The following MTG1 variants were observed in gnomAD, a reference collection of about 807,000 sequenced individuals.
MTG1 encodes the protein mitochondrial ribosome-associated GTPase 1.
Under a neutral mutation model 39.5 loss-of-function variants are expected in MTG1, and 30 were observed. The ratio of observed to expected loss-of-function variants is 0.76; its 90% confidence interval spans 0.57 to 1.03. The LOEUF (loss-of-function observed/expected upper bound fraction) is 1.03. Ranked by LOEUF, MTG1 falls within the 50% of genes least tolerant of loss-of-function variation. The pLI is 0.00. For synonymous variants in MTG1, 217 were observed against 179.0 expected (o/e 1.21, Z -1.69); for missense variants, 513 against 447.4 (o/e 1.15, Z -1.32).
At chr10:133,400,576 A>T (rs1212253403) in intron 6 of MTG1, among the ~76,000 whole-genome samples, 1 of 152,244 alleles carries the variant, frequency 6.6e-6, no homozygotes, top group Non-Finnish European at 1.5e-5. Context: ...TATTTTACAG[A>T]GAGGGTGTTT....
chr10:133,409,630 A>G lies in MTG1; in HGVS notation c.752+6857A>G, dbSNP rs140986424. ...CGGAGAGGGGGTGTTGAAGCCCCCT[A>G]CTATTACTGTATTGCACTCTGCCTC... On this transcript the variant is annotated intron_variant, in intron 9 of 10. Coordinates refer to ENST00000317502, the MANE Select transcript of MTG1 (RefSeq NM_138384.4). Among the ~76,000 whole-genome samples the G allele has an allele frequency of 7.6e-3, 1,159 of 152,248 alleles. 10 individuals carry two copies. The highest frequency in any genetic ancestry group is 0.026 in the African/African-American group (1,066 of 41,528).
intron 3 of MTG1, among the ~76,000 whole-genome samples, 158 bp from the exon 4 acceptor site, chr10:133,398,277 G>A (rs1385807796): frequency 6.6e-6 from 1 of 152,202 alleles, no homozygotes; most frequent in Non-Finnish European, 1.5e-5. Flanking sequence ...GCGCATGCCT[G>A]TAATCCCTGC....
intron 6 of MTG1, chr10:133,401,318 T>C (rs146696612): frequency 3.0e-4 from 144 of 478,478 alleles, no homozygotes; most frequent in African/African-American, 2.5e-3. Context: ...GTGAAACAAA[T>C]TATAGCCTTG....
intron 9 of MTG1, among the ~76,000 whole-genome samples, chr10:133,414,986 A>C (rs1158186354): frequency 6.6e-6 from 1 of 152,250 alleles, no homozygotes; most frequent in Non-Finnish European, 1.5e-5. Context: ...CAACACAGCG[A>C]AACCCCATCT....
chr10:133,420,570 A>G lies in MTG1; in HGVS notation c.*405A>G, dbSNP rs1219869428. Reference sequence around the variant, plus strand: ...CCTGTGTGTTAAAGCTGCTCTCACCAGTGAAACCTAAGAAATGAGCAGGTT... The same window carrying G: ...CCTGTGTGTTAAAGCTGCTCTCACCGGTGAAACCTAAGAAATGAGCAGGTT... On this transcript the variant is annotated 3_prime_UTR_variant, in exon 11 of 11. Coordinates refer to ENST00000317502, the MANE Select transcript of MTG1 (RefSeq NM_138384.4). The G allele has an allele frequency of 5.5e-6, 1 of 182,286 alleles. No individual in the cohort carries two copies. The highest frequency in any genetic ancestry group is 6.2e-5 in the Admixed American group (1 of 16,090). The allele number at this position is 182,286 out of a possible 1,614,324, so 11.3% of individuals were successfully genotyped here. A position where few individuals can be genotyped will look rare whatever the true frequency, so the allele number is the denominator to read the frequency against.
chr10:133,402,598 G>A lies in MTG1; in HGVS notation c.671-94G>A. 1.7e-6 allele frequency: 2 copies of A among 1,155,218 alleles called. No individual in the cohort carries two copies. Among genetic ancestry groups the A allele is most frequent in the African/African-American group, 1.5e-5 (1 of 65,354 alleles). The allele number at this position is 1,155,218 out of a possible 1,614,324, so 71.6% of individuals were successfully genotyped here. ...GCTGGCCTCTTCCTCACGGCACGGT[G>A]TCTTTGGGCTAGGACTGGAAGGGAT... On this transcript the variant is annotated intron_variant, in intron 8 of 10. Transcript: ENST00000317502. This position sits in a 1 kb window ranked among gnomAD's most constrained non-coding sequence, Gnocchi z 4.7.
chr10:133,415,473 G>C (rs1274903151), intron 9 of MTG1, among the ~76,000 whole-genome samples: 1 of 152,176 alleles, frequency 6.6e-6, no homozygotes, highest in Non-Finnish European at 1.5e-5. Context: ...TGCTTGAGAG[G>C]GGTTGGTCTC....
At chr10:133,404,833 C>T (rs1313431792) in intron 9 of MTG1, among the ~76,000 whole-genome samples, 3 of 151,986 alleles carry the variant, frequency 2.0e-5, no homozygotes, top group Admixed American at 6.6e-5. Flanking sequence ...GCATCTTTGT[C>T]GCAAATCGGT....
chr10:133,401,660 CTG>C (rs780457471), intron 7 of MTG1, 70 bp downstream of exon 7: 2 of 1,488,390 alleles, frequency 1.3e-6, no homozygotes, highest in East Asian at 2.3e-5. Context: ...CTGCCGACCT[CTG>C]TGTGGCTTCC....
intron 9 of MTG1, among the ~76,000 whole-genome samples, chr10:133,414,419 T>C (rs1272266975): frequency 1.3e-5 from 2 of 152,266 alleles, no homozygotes; most frequent in Admixed American, 6.5e-5. Context: ...CTGTTCTCAA[T>C]GAGCTGTTGG....
intron 3 of MTG1, among the ~76,000 whole-genome samples, chr10:133,397,382 G>T (rs1457595424): frequency 6.6e-6 from 1 of 151,872 alleles, no homozygotes; most frequent in Non-Finnish European, 1.5e-5. Context: ...TATTAGTGCA[G>T]CCAGACATTT....
intron 9 of MTG1, among the ~76,000 whole-genome samples, chr10:133,415,164 GGGAGAGGGAGACCGT>G (rs1428049780): frequency 9.9e-5 from 15 of 151,592 alleles, no homozygotes; most frequent in East Asian, 7.7e-4. Flanking sequence ...TGGAAAGAGA[GGGAGAGGGAGACCGT>G]GGAGAGGGAG....
chr10:133,394,996 T>A (rs1014661000), intron 1 of MTG1, among the ~76,000 whole-genome samples: 5 of 152,178 alleles, frequency 3.3e-5, no homozygotes, highest in Non-Finnish European at 5.9e-5. Context: ...AGCTTTGTTA[T>A]CTTGGTTGTG....
chr10:133,410,337 G>T (rs555016591), intron 9 of MTG1, among the ~76,000 whole-genome samples: 1 of 152,302 alleles, frequency 6.6e-6, no homozygotes, highest in South Asian at 2.1e-4. Flanking sequence ...GATTACAAAT[G>T]TGAGCCACTG....
intron 9 of MTG1, among the ~76,000 whole-genome samples, chr10:133,405,000 G>T (rs949755540): frequency 1.4e-4 from 22 of 152,102 alleles, no homozygotes; most frequent in Non-Finnish European, 2.2e-4. Flanking sequence ...GTCTTTTCCT[G>T]GTTCTTTGTA....
intron 3 of MTG1, among the ~76,000 whole-genome samples, chr10:133,397,779 G>GTTTTTTTTTGTTTTTTTT (rs1554890616): frequency 3.2e-4 from 44 of 139,484 alleles, no homozygotes; most frequent in Middle Eastern, 3.7e-3. Context: ...CGTCCAGCCT[G>GTTTTTTTTTGTTTTTTTT]TTTTTTTTTT....
chr10:133,415,290 T>C (rs1564823123), intron 9 of MTG1, among the ~76,000 whole-genome samples: 1 of 152,158 alleles, frequency 6.6e-6, no homozygotes, highest in African/African-American at 2.4e-5. Context: ...CAGGTTTCCT[T>C]CTGGTGTGAT....
At chr10:133,400,957 T>C (rs1281067818) in intron 6 of MTG1, among the ~76,000 whole-genome samples, 1 of 152,262 alleles carries the variant, frequency 6.6e-6, no homozygotes, top group Non-Finnish European at 1.5e-5. Flanking sequence ...CCGTTGTGTG[T>C]ACAGACCACA....
chr10:133,400,872 C>T (rs577528947), intron 6 of MTG1, among the ~76,000 whole-genome samples: 18 of 152,334 alleles, frequency 1.2e-4, no homozygotes, highest in African/African-American at 3.4e-4. Context: ...CTGATGTCAC[C>T]GATCGTGATG....
Sources: gnomAD v4.1 joint callset for allele counts (sites outside exome capture counted in the v4.1 genomes callset) on GRCh38, gnomAD v4.1.1 for gene constraint, Gnocchi (gnomAD v3.1) non-coding constraint, MANE v1.5 for transcripts, NCBI Gene and HGNC (gene_info 2026-07-23, HGNC 2026-07-21) for gene names.